MMRN1: variants seen among roughly 807,000 people sequenced by gnomAD.
MMRN1 encodes the protein multimerin-1.
A neutral mutation model predicts 100.7 loss-of-function variants in MMRN1; 94 were observed. The observed-to-expected ratio is 0.93, with a 90% CI of 0.79 to 1.11. The LOEUF (loss-of-function observed/expected upper bound fraction) is 1.11, where lower values mean the gene tolerates loss of function less well. Among genes scored for constraint, MMRN1 ranks in the 50% least tolerant of loss-of-function variants. The probability of loss-of-function intolerance (pLI) is 0.00; values close to 1 mark genes in which losing one functional copy is unlikely to be tolerated. For synonymous variants in MMRN1, 575 were observed against 505.0 expected, an observed-to-expected ratio of 1.14 and a Z score of -1.86; for missense variants, 1,606 against 1,439.1, an observed-to-expected ratio of 1.12 and a Z score of -1.88.
intron 5 of MMRN1, among the ~76,000 whole-genome samples, chr4:89,929,146 C>G (rs1722357337): frequency 6.6e-6 from 1 of 151,980 alleles, no homozygotes; most frequent in African/African-American, 2.4e-5. Context: ...TGGGAGCGTC[C>G]CAGTCGGGTT....
chr4:89,918,632 C>T (rs2110608211), intron 3 of MMRN1, among the ~76,000 whole-genome samples: 1 of 151,866 alleles, frequency 6.6e-6, no homozygotes, highest in East Asian at 1.9e-4. Flanking sequence ...GAAAAGATTT[C>T]AAGTGTTTAC....
At chr4:89,924,726 C>T (rs1432468482) in intron 4 of MMRN1, among the ~76,000 whole-genome samples, 5 of 152,006 alleles carry the variant, frequency 3.3e-5, no homozygotes, top group African/African-American at 1.2e-4. Flanking sequence ...TGCCTGTAAT[C>T]CTAGCTACTT....
At chr4:89,923,462 C>A (rs1368686339) in intron 4 of MMRN1, among the ~76,000 whole-genome samples, 190 bp downstream of exon 4, 1 of 152,174 alleles carries the variant, frequency 6.6e-6, no homozygotes, top group Non-Finnish European at 1.5e-5. Flanking sequence ...ACTGAAAAGA[C>A]CATGTATAAC....
In MMRN1 at chr4:89,936,234, A is replaced by G. The variant is rs1722630106; in HGVS notation, c.2554A>G (p.Thr852Ala). Residue 852 changes from threonine to alanine, a missense_variant, in exon 6 of 8, where the codon ACC becomes GCC. Physicochemically the swap from Thr to Ala is moderately conservative, Grantham distance 58. Transcript: ENST00000264790. ...TTTGGAAGAAAAACTACTCTTAACT[A>G]CCAAGATTTCCAAAAATTTTGAGAC... The part of the protein sequence containing the change: ...SHLEEKLLLT[T>A]KISKNFETRL... 1 of 1,605,088 alleles carries G rather than the reference A, an allele frequency of 6.2e-7. No individual in the cohort carries two copies. Among genetic ancestry groups the G allele is most frequent in the Non-Finnish European group, 8.5e-7 (1 of 1,177,648 alleles).
intron 2 of MMRN1, among the ~76,000 whole-genome samples, chr4:89,909,701 T>G (rs889253247): frequency 6.7e-6 from 1 of 150,322 alleles, no homozygotes; most frequent in African/African-American, 2.5e-5. Context: ...TTACTCTATA[T>G]CTGGTCAACA....
At chr4:89,951,498 T>G in intron 6 of MMRN1, 107 bp from the exon 7 acceptor site, 1 of 1,203,652 alleles carries the variant, frequency 8.3e-7, no homozygotes, top group Non-Finnish European at 1.1e-6. Flanking sequence ...CCATTTTTCT[T>G]ACTTAAAATT....
chr4:89,900,822 A>G (rs192921346), intron 1 of MMRN1, among the ~76,000 whole-genome samples: 35 of 152,208 alleles, frequency 2.3e-4, no homozygotes, highest in Non-Finnish European at 4.6e-4. Flanking sequence ...TGATACTGAA[A>G]GAAAGAAGGA....
intron 6 of MMRN1, among the ~76,000 whole-genome samples, chr4:89,946,042 TGGCAATG>T (rs1578504570): frequency 6.6e-6 from 1 of 152,224 alleles, no homozygotes; most frequent in East Asian, 1.9e-4. Flanking sequence ...TAGAAGTTGC[TGGCAATG>T]GGCATATGAA....
At chr4:89,884,350 C>T (rs6814221) in intron 1 of MMRN1, among the ~76,000 whole-genome samples, 60,150 of 151,496 alleles carry the variant, frequency 0.4, 12,693 homozygotes, top group East Asian at 0.46. Context: ...TTTACTTATT[C>T]GGGTGTTTCA....
chr4:89,934,636 T>G (rs915199265), intron 5 of MMRN1, among the ~76,000 whole-genome samples, 174 bp from the exon 6 acceptor site: 6 of 152,124 alleles, frequency 3.9e-5, no homozygotes, highest in Admixed American at 3.9e-4. Flanking sequence ...ATTCAAGGAA[T>G]TGATCACCTT....
At chr4:89,947,100 G>A (rs1025663027) in intron 6 of MMRN1, among the ~76,000 whole-genome samples, 5 of 152,072 alleles carry the variant, frequency 3.3e-5, no homozygotes, top group African/African-American at 4.8e-5. Flanking sequence ...TGGCCCACAC[G>A]GTGAAACCCC....
At chr4:89,931,564 C>T (rs1722435054) in intron 5 of MMRN1, among the ~76,000 whole-genome samples, 1 of 151,998 alleles carries the variant, frequency 6.6e-6, no homozygotes, top group Non-Finnish European at 1.5e-5. Flanking sequence ...AAACCTGAGA[C>T]AGGGTAATTT....
intron 1 of MMRN1, among the ~76,000 whole-genome samples, chr4:89,904,614 A>G (rs1285757911): frequency 6.6e-6 from 1 of 151,358 alleles, no homozygotes; most frequent in Non-Finnish European, 1.5e-5. Context: ...GTTGAATAAT[A>G]CCCCATTTTG....
intron 3 of MMRN1, among the ~76,000 whole-genome samples, chr4:89,913,927 C>A (rs1235070460): frequency 6.6e-6 from 1 of 151,352 alleles, no homozygotes; most frequent in South Asian, 2.1e-4. Context: ...ACAACCAATT[C>A]TAATATAGCT....
At chr4:89,917,630 T>C (rs1721963423) in intron 3 of MMRN1, among the ~76,000 whole-genome samples, 1 of 151,948 alleles carries the variant, frequency 6.6e-6, no homozygotes, top group Non-Finnish European at 1.5e-5. Flanking sequence ...CTACAAATTA[T>C]ATTGATGTCG....
At chr4:89,928,295 A>C (rs1442129) in intron 5 of MMRN1, among the ~76,000 whole-genome samples, 4 of 151,820 alleles carry the variant, frequency 2.6e-5, no homozygotes, top group African/African-American at 9.7e-5. Context: ...CAAGAATAAA[A>C]ACGCAGTTAG....
At chr4:89,881,321 T>C (rs973886714) in intron 1 of MMRN1, among the ~76,000 whole-genome samples, 2 of 152,134 alleles carry the variant, frequency 1.3e-5, no homozygotes, top group African/African-American at 2.4e-5. Context: ...TGTAACACAT[T>C]TCTTAAATGT....
At chr4:89,917,155 CCA>C (rs1721948378) in intron 3 of MMRN1, among the ~76,000 whole-genome samples, 2 of 151,614 alleles carry the variant, frequency 1.3e-5, no homozygotes, top group Admixed American at 1.3e-4. Context: ...CCTTGTTTCC[CCA>C]GTCTTTGAAG....
At position 89,895,271 on chromosome 4, in the gene MMRN1, C is replaced by T; in HGVS notation, c.300C>T (p.Leu100=). 1 of 1,613,842 alleles carries T rather than the reference C, an allele frequency of 6.2e-7. No homozygotes were observed. Among genetic ancestry groups the T allele is most frequent in the Non-Finnish European group, 8.5e-7 (1 of 1,179,918 alleles). ...APAEGVRNQT[L]TSTEKAEGVV... is the part of the protein sequence containing the mutation. ...CTGAGGGTGTGAGAAATCAAACTCT[C>T]ACATCCACAGAGAAAGCAGAAGGAG... Residue 100 remains leucine (L), a synonymous_variant, in exon 1 of 8, where the codon CTC becomes CTT. Transcript: ENST00000264790.
Sources: gnomAD v4.1 joint callset for allele counts (sites outside exome capture counted in the v4.1 genomes callset) on GRCh38, gnomAD v4.1.1 for gene constraint, MANE v1.5 for transcripts, NCBI Gene and HGNC (gene_info 2026-07-23, HGNC 2026-07-21) for gene names.